NFIB: variants seen among roughly 807,000 people sequenced by gnomAD.
NFIB encodes the protein nuclear factor 1 B-type.
A neutral mutation model predicts 61.5 loss-of-function variants in NFIB; 11 were observed. The ratio of observed to expected loss-of-function variants is 0.18; its 90% confidence interval spans 0.11 to 0.30. The LOEUF is 0.30. Ranked by LOEUF, NFIB falls within the 10% of genes least tolerant of loss-of-function variation. The pLI is 1.00. For synonymous variants in NFIB, 260 were observed against 216.5 expected (o/e 1.20, Z -1.76); for missense variants, 471 against 608.9 (o/e 0.77, Z 2.38).
chr9:14,184,838 T>A (rs1402290137), intron 2 of NFIB, among the ~76,000 whole-genome samples: 2 of 152,094 alleles, frequency 1.3e-5, no homozygotes, highest in Non-Finnish European at 2.9e-5. Context: ...CTGGCCAACG[T>A]GGTGAAACCC....
At chr9:14,473,575 C>T in the NFIB span, among the ~76,000 whole-genome samples, 1 of 152,190 alleles carries the variant, frequency 6.6e-6, no homozygotes. Flanking sequence ...AACATCACAG[C>T]CCTGCAAGAC....
chr9:14,235,133 T>C (rs572920714), intron 2 of NFIB, among the ~76,000 whole-genome samples: 4 of 152,182 alleles, frequency 2.6e-5, no homozygotes, highest in African/African-American at 7.2e-5. Flanking sequence ...TGTTATACGA[T>C]TGAAAACAAA....
chr9:14,393,446 G>C (rs1414497842), intron 1 of NFIB, among the ~76,000 whole-genome samples: 2 of 152,092 alleles, frequency 1.3e-5, no homozygotes, highest in African/African-American at 4.8e-5. Flanking sequence ...TGAGTGCTTT[G>C]AGTACTGGAA....
chr9:14,486,121 A>C, the NFIB span, among the ~76,000 whole-genome samples: 1 of 152,178 alleles, frequency 6.6e-6, no homozygotes, highest in African/African-American at 2.4e-5. Flanking sequence ...AGATAAGTAA[A>C]AGTTCTCTTG....
intron 2 of NFIB, among the ~76,000 whole-genome samples, chr9:14,197,045 G>C (rs547572423): frequency 6.6e-6 from 1 of 152,228 alleles, no homozygotes; most frequent in Non-Finnish European, 1.5e-5. Context: ...CCTTCCATTT[G>C]TACTAAATAT....
chr9:14,431,006 T>C, the NFIB span, among the ~76,000 whole-genome samples: 1 of 152,178 alleles, frequency 6.6e-6, no homozygotes, highest in African/African-American at 2.4e-5. Flanking sequence ...GGCATGGAAA[T>C]AATGGGGCCT....
At chr9:14,146,664 C>T (rs2042307831) in intron 6 of NFIB, 25 bp downstream of exon 6, 2 of 1,612,828 alleles carry the variant, frequency 1.2e-6, no homozygotes, top group South Asian at 2.2e-5. Context: ...CTCATGGTCT[C>T]TAGAGGCATC....
At chr9:14,117,070 C>G (rs958518965) in intron 8 of NFIB, among the ~76,000 whole-genome samples, 6 of 152,188 alleles carry the variant, frequency 3.9e-5, no homozygotes, top group African/African-American at 1.4e-4. Context: ...CTACGTTTGT[C>G]CTTACACCTA....
the NFIB span, among the ~76,000 whole-genome samples, chr9:14,467,108 G>C: frequency 6.6e-6 from 1 of 152,138 alleles, no homozygotes; most frequent in Non-Finnish European, 1.5e-5. Flanking sequence ...TTCCCTTCGA[G>C]GTGTTGGGTG....
chr9:14,236,117 A>G (rs906294488), intron 2 of NFIB, among the ~76,000 whole-genome samples: 29 of 152,176 alleles, frequency 1.9e-4, no homozygotes, highest in African/African-American at 6.8e-4. Flanking sequence ...CCTACAACAA[A>G]GCCCCTTAAC....
intron 1 of NFIB, among the ~76,000 whole-genome samples, chr9:14,342,558 C>A (rs528404775): frequency 1.3e-5 from 2 of 152,254 alleles, no homozygotes; most frequent in East Asian, 3.9e-4. Context: ...GTTTATTGAA[C>A]CCAGGCTGCA....
intron 7 of NFIB, among the ~76,000 whole-genome samples, chr9:14,122,935 GC>G (rs2039124846): frequency 6.6e-6 from 1 of 152,020 alleles, no homozygotes; most frequent in Admixed American, 6.6e-5. Context: ...TTCCATAAAA[GC>G]CATTCTAGTC....
chr9:14,366,885 G>A (rs1210623787), intron 1 of NFIB, among the ~76,000 whole-genome samples: 2 of 152,168 alleles, frequency 1.3e-5, no homozygotes, highest in African/African-American at 4.8e-5. Flanking sequence ...GCACTGAAGA[G>A]TGATGAAATG....
At chr9:14,489,342 C>G in the NFIB span, among the ~76,000 whole-genome samples, 2 of 152,162 alleles carry the variant, frequency 1.3e-5, no homozygotes, top group Admixed American at 6.6e-5. Flanking sequence ...ATGAAGAAGT[C>G]CAGCAAGAAG....
intron 3 of NFIB, among the ~76,000 whole-genome samples, chr9:14,176,467 A>G (rs2046205456): frequency 6.6e-6 from 1 of 152,208 alleles, no homozygotes; most frequent in African/African-American, 2.4e-5. Flanking sequence ...GCCACGTAAC[A>G]AAGAATGCAA....
At chr9:14,195,277 T>C (rs1187617712) in intron 2 of NFIB, among the ~76,000 whole-genome samples, 1 of 152,192 alleles carries the variant, frequency 6.6e-6, no homozygotes, top group African/African-American at 2.4e-5. Flanking sequence ...TCTGCAAAGC[T>C]CTGTCACTAC....
At chr9:14,371,547 G>A (rs190129037) in intron 1 of NFIB, among the ~76,000 whole-genome samples, 1 of 152,166 alleles carries the variant, frequency 6.6e-6, no homozygotes, top group African/African-American at 2.4e-5. Context: ...AATAAAAAAG[G>A]TTGCAAATTG....
chr9:14,234,783 G>C (rs2053571177), intron 2 of NFIB, among the ~76,000 whole-genome samples: 1 of 142,974 alleles, frequency 7.0e-6, no homozygotes, highest in Non-Finnish European at 1.5e-5. Flanking sequence ...GCTGGCATTT[G>C]TTCGTTGAAA....
intron 2 of NFIB, among the ~76,000 whole-genome samples, chr9:14,298,541 T>C (rs191716563): frequency 5.9e-5 from 9 of 152,178 alleles, no homozygotes. Flanking sequence ...CCACCTCTTG[T>C]AGCAAGGAGG....
Sources: allele counts gnomAD v4.1 joint callset (sites outside exome capture counted in the v4.1 genomes callset), GRCh38; gene constraint gnomAD v4.1.1; transcripts MANE v1.5; gene names NCBI Gene and HGNC (gene_info 2026-07-23, HGNC 2026-07-21).